The following GPATCH2L variants were observed in gnomAD, a reference collection of about 807,000 sequenced individuals.
The protein encoded by GPATCH2L is G patch domain-containing protein 2-like.
In GPATCH2L, 31 loss-of-function variants were observed where a neutral mutation model predicts 57.4. The observed-to-expected ratio is 0.54, with a 90% confidence interval of 0.41 to 0.73. The LOEUF (loss-of-function observed/expected upper bound fraction) is 0.73. GPATCH2L is among the 30% of genes least tolerant of loss of function. GPATCH2L has a pLI of 0.00. For missense variants in GPATCH2L, 481 were observed against 599.9 expected, an observed-to-expected ratio of 0.80 and a Z score of 2.07; for synonymous variants, 199 against 210.7, an observed-to-expected ratio of 0.94 and a Z score of 0.48.
intron 1 of GPATCH2L, among the ~76,000 whole-genome samples, chr14:76,228,274 A>G (rs370914831): frequency 4.6e-5 from 7 of 152,176 alleles, no homozygotes; most frequent in African/African-American, 1.7e-4. Context: ...GATTCATAAG[A>G]GTTTTGTTTT....
chr14:76,174,380 G>C (rs2039228031), intron 5 of GPATCH2L: 1 of 152,246 alleles, frequency 6.6e-6, no homozygotes, highest in African/African-American at 2.4e-5. Context: ...AGTCAGAGAA[G>C]ATGGTGGTGG....
intron 1 of GPATCH2L, among the ~76,000 whole-genome samples, chr14:76,224,029 A>G (rs1209022340): frequency 2.0e-5 from 3 of 152,240 alleles, no homozygotes; most frequent in Non-Finnish European, 2.9e-5. Context: ...AATGTGGTAT[A>G]TCTGTACAAT....
At chr14:76,218,925 A>G (rs1484337791), downstream of GPATCH2L, among the ~76,000 whole-genome samples, 1 of 151,552 alleles carries the variant, frequency 6.6e-6, no homozygotes, top group Non-Finnish European at 1.5e-5. Flanking sequence ...AGTTGGATCT[A>G]TACTTCACCT....
At position 76,212,454 on chromosome 14, in the gene GPATCH2L, G is replaced by A. The variant is rs181187643; in HGVS notation, c.*10603G>A. On this transcript the variant is annotated 3_prime_UTR_variant, in exon 10 of 10. Coordinates refer to ENST00000261530, the MANE Select transcript of GPATCH2L (RefSeq NM_017926.4). ...CATAATGCTAAAGGGTGTGACTCAC[G>A]AGATAATGTTTCTAGATATCTGTGT... 2.2e-4 allele frequency: 33 copies of A among 151,354 alleles called. No individual in the cohort carries two copies. The highest frequency in any genetic ancestry group is 1.4e-3 in the Admixed American group (21 of 15,172). The allele number at this position is 151,354 out of a possible 1,614,324, so 9.4% of individuals were successfully genotyped here. A position where few individuals can be genotyped will look rare whatever the true frequency, so the allele number is the denominator to read the frequency against.
intron 9 of GPATCH2L, among the ~76,000 whole-genome samples, chr14:76,201,348 A>G (rs966605608): frequency 6.6e-6 from 1 of 152,206 alleles, no homozygotes; most frequent in African/African-American, 2.4e-5. Context: ...ATGAGCATCT[A>G]TGAGTAAGGG....
chr14:76,233,474 C>T (rs897292962), intron 2 of GPATCH2L, among the ~76,000 whole-genome samples: 6 of 152,018 alleles, frequency 3.9e-5, no homozygotes, highest in African/African-American at 1.5e-4. Context: ...TCTTGAACAC[C>T]CATAAAAGTT....
At chr14:76,159,204 C>T (rs1002418826) in intron 2 of GPATCH2L, among the ~76,000 whole-genome samples, 16 of 152,122 alleles carry the variant, frequency 1.1e-4, no homozygotes, top group Non-Finnish European at 2.1e-4. Flanking sequence ...TGAGATGCTG[C>T]GATTCTTTTC....
At chr14:76,196,987 A>G (rs1217398657) in intron 9 of GPATCH2L, among the ~76,000 whole-genome samples, 1 of 152,118 alleles carries the variant, frequency 6.6e-6, no homozygotes, top group Admixed American at 6.6e-5. Flanking sequence ...TGCTTTCCAC[A>G]TGGCCAGGCC....
At chr14:76,155,862 A>G (rs2038282858) in intron 2 of GPATCH2L, among the ~76,000 whole-genome samples, 1 of 152,190 alleles carries the variant, frequency 6.6e-6, no homozygotes, top group Non-Finnish European at 1.5e-5. Flanking sequence ...GCATCTCTGC[A>G]TTATTCACAC....
rs2038089714 is a variant in GPATCH2L at position 76,152,393 on chromosome 14, A to T, written c.-11+402A>T. 6.6e-5 allele frequency: 17 copies of T among 258,142 alleles called. 1 individual carries two copies. The South Asian group carries it at 6.6e-4, about 10-fold the overall frequency. The allele number at this position is 258,142 out of a possible 1,614,324, so 16.0% of individuals were successfully genotyped here. On this transcript the variant is annotated intron_variant, in intron 1 of 9. Coordinates refer to ENST00000261530, the MANE Select transcript of GPATCH2L (RefSeq NM_017926.4). ...AGGGAGCTCAGTCGCCAAGACTTGCATTTTGGCAGTTTCTGCCCTAGAAGA... is the reference window on the plus strand; with the variant it reads ...AGGGAGCTCAGTCGCCAAGACTTGCTTTTTGGCAGTTTCTGCCCTAGAAGA...
chr14:76,176,533 A>T, intron 5 of GPATCH2L, 90 bp from the exon 6 acceptor site: 1 of 888,136 alleles, frequency 1.1e-6, no homozygotes, highest in South Asian at 1.4e-5. Flanking sequence ...AGGTTGCCTT[A>T]GCTGGCACAG....
intron 1 of GPATCH2L, among the ~76,000 whole-genome samples, chr14:76,223,508 T>G (rs1206600391): frequency 6.6e-6 from 1 of 152,216 alleles, no homozygotes; most frequent in Admixed American, 6.5e-5. Context: ...TAAATCTTCA[T>G]GACCTTGGAT....
At chr14:76,181,296 G>T (rs1446388473) in intron 8 of GPATCH2L, among the ~76,000 whole-genome samples, 1 of 152,078 alleles carries the variant, frequency 6.6e-6, no homozygotes, top group Non-Finnish European at 1.5e-5. Context: ...CTTTCCTGCC[G>T]CTGAAACTTT....
At chr14:76,176,732 T>C (rs761329785) in intron 6 of GPATCH2L, 42 bp downstream of exon 6, 2 of 1,331,862 alleles carry the variant, frequency 1.5e-6, no homozygotes, top group Non-Finnish European at 2.2e-6. Context: ...GTCTGCTCCT[T>C]GGAGGAGGAG....
chr14:76,160,845 G>C (rs1351033130), intron 2 of GPATCH2L, among the ~76,000 whole-genome samples: 1 of 152,134 alleles, frequency 6.6e-6, no homozygotes, highest in Non-Finnish European at 1.5e-5. Flanking sequence ...AGTCTTGAAA[G>C]GATGGGTGGA....
intron 2 of GPATCH2L, among the ~76,000 whole-genome samples, chr14:76,165,289 C>T (rs1373898762): frequency 1.3e-5 from 2 of 151,878 alleles, no homozygotes; most frequent in Admixed American, 1.3e-4. Flanking sequence ...GTCAGGAGTT[C>T]GAGACCAGCC....
At chr14:76,171,277 T>TAAA (rs57103783) in intron 3 of GPATCH2L, among the ~76,000 whole-genome samples, 2,354 of 133,452 alleles carry the variant, frequency 0.018, 55 homozygotes, top group African/African-American at 0.062. Context: ...TACAGAGAAT[T>TAAA]AAAAAAAAAA....
At chr14:76,222,061 G>A (rs549652177) in intron 1 of GPATCH2L, among the ~76,000 whole-genome samples, 1 of 152,140 alleles carries the variant, frequency 6.6e-6, no homozygotes, top group East Asian at 1.9e-4. Context: ...GTGCATGTGT[G>A]GGGGAAGAAG....
At chr14:76,173,464 TA>T in intron 4 of GPATCH2L, 81 bp from the exon 5 acceptor site, 2 of 807,608 alleles carry the variant, frequency 2.5e-6, no homozygotes, top group Non-Finnish European at 4.1e-6. Context: ...ATCCTGGGGG[TA>T]AAGCCTTCAG....
Sources: gnomAD v4.1 joint callset for allele counts (sites outside exome capture counted in the v4.1 genomes callset) on GRCh38, gnomAD v4.1.1 for gene constraint, MANE v1.5 for transcripts, NCBI Gene and HGNC (gene_info 2026-07-23, HGNC 2026-07-21) for gene names.